Variants in HMGA2 observed in about 807,000 individuals in gnomAD.
The protein encoded by HMGA2 is high mobility group AT-hook 2, also known as high mobility group protein HMGI-C.
Under a neutral mutation model 19.1 loss-of-function variants are expected in HMGA2, and 8 were observed. That is an observed-to-expected ratio of 0.42 (90% confidence interval 0.25 to 0.76). The LOEUF is 0.76. HMGA2 is among the 30% of genes least tolerant of loss of function. The probability of loss-of-function intolerance (pLI) is 0.28; values close to 1 mark genes in which losing one functional copy is unlikely to be tolerated. For missense variants in HMGA2, 109 were observed against 136.3 expected (o/e 0.80, Z 1.00); for synonymous variants, 60 against 48.8 (o/e 1.23, Z -0.96).
chr12:65,877,493 TG>T (rs1873106305), intron 3 of HMGA2, among the ~76,000 whole-genome samples: 1 of 152,192 alleles, frequency 6.6e-6, no homozygotes, highest in South Asian at 2.1e-4. Flanking sequence ...CCCCGGTCAC[TG>T]GGAGAATGTA....
chr12:65,872,185 C>T (rs1433718689), intron 3 of HMGA2, among the ~76,000 whole-genome samples: 1 of 152,308 alleles, frequency 6.6e-6, no homozygotes, highest in Middle Eastern at 3.4e-3. Context: ...TTGCCAGTAA[C>T]CTCTTAACTG....
chr12:65,872,635 C>T (rs999335055), intron 3 of HMGA2, among the ~76,000 whole-genome samples: 1 of 152,170 alleles, frequency 6.6e-6, no homozygotes, highest in Non-Finnish European at 1.5e-5. Flanking sequence ...TTTTCTTTTC[C>T]TACATTCCCA....
At chr12:65,837,973 A>T (rs892774072) in intron 2 of HMGA2, among the ~76,000 whole-genome samples, 1 of 152,112 alleles carries the variant, frequency 6.6e-6, no homozygotes, top group African/African-American at 2.4e-5. Flanking sequence ...GAAGTGTGCA[A>T]ATATTTGTTA....
At chr12:65,940,745 T>C (rs947359523) in intron 3 of HMGA2, among the ~76,000 whole-genome samples, 4 of 152,220 alleles carry the variant, frequency 2.6e-5, no homozygotes, top group Non-Finnish European at 5.9e-5. Context: ...AGTTTCATTA[T>C]ATGCTGGCCT....
At chr12:65,889,549 A>T (rs1873816012) in intron 3 of HMGA2, among the ~76,000 whole-genome samples, 1 of 152,236 alleles carries the variant, frequency 6.6e-6, no homozygotes, top group African/African-American at 2.4e-5. Context: ...AGTACACAAA[A>T]GGCCAACAAG....
chr12:65,866,034 T>C (rs1872391697), intron 3 of HMGA2, among the ~76,000 whole-genome samples: 1 of 152,128 alleles, frequency 6.6e-6, no homozygotes. Flanking sequence ...TCATAGCAAG[T>C]GTATAACTAT....
In HMGA2 at chr12:65,923,805, C is replaced by T. The variant is rs140572623; in HGVS notation, c.250-27578C>T. On this transcript the variant is annotated intron_variant, in intron 3 of 4. Coordinates refer to ENST00000403681, the MANE Select transcript of HMGA2 (RefSeq NM_003483.6). ...CGAGTGGATCACCTGGGGTCGGGAG[C>T]TCGAGACCAGCCTGACCGACATGGA... Among the ~76,000 whole-genome samples the T allele has an allele frequency of 1.4e-3, 216 of 152,060 alleles. 1 individual carries two copies. The highest frequency in any genetic ancestry group is 5.1e-3 in the African/African-American group (212 of 41,468).
At chr12:65,952,453 A>C in intron 4 of HMGA2, 1 of 1,532,746 alleles carries the variant, frequency 6.5e-7, no homozygotes, top group Non-Finnish European at 8.7e-7. Flanking sequence ...ACTTCCAAAC[A>C]CATGAAAGGA....
At chr12:65,842,097 G>A in intron 3 of HMGA2, 1 of 1,289,242 alleles carries the variant, frequency 7.8e-7, no homozygotes, top group Non-Finnish European at 1.0e-6. Context: ...AGAGGCTAGA[G>A]GTAAATTGGG....
intron 4 of HMGA2, chr12:65,954,275 A>G (rs1876543688): frequency 6.6e-6 from 1 of 152,242 alleles, no homozygotes; most frequent in Non-Finnish European, 1.5e-5. Context: ...CAAAAATTCT[A>G]GAATCCTGAT....
At chr12:65,952,577 G>A in intron 4 of HMGA2, 3 of 1,227,352 alleles carry the variant, frequency 2.4e-6, no homozygotes, top group Admixed American at 3.2e-5. Context: ...GCTAAGAGTG[G>A]GAGAGGGGTG....
At chr12:65,866,901 C>T in intron 3 of HMGA2, 1 of 457,134 alleles carries the variant, frequency 2.2e-6, no homozygotes, top group Middle Eastern at 3.2e-4. Flanking sequence ...CTTCTGCTGC[C>T]ATTTTTCTTT....
At chr12:65,952,319 A>G in intron 4 of HMGA2, 5 of 1,476,754 alleles carry the variant, frequency 3.4e-6, no homozygotes, top group Non-Finnish European at 2.7e-6. Flanking sequence ...TTTCCCTAGA[A>G]GTCTTTACAA....
rs1468552939 is a variant in HMGA2, at chr12:65,936,463, T to C, written c.250-14920T>C. Among the ~76,000 whole-genome samples, 3 of 152,268 alleles carry C rather than the reference T, an allele frequency of 2.0e-5. No homozygotes were observed. In the South Asian group the frequency reaches 6.2e-4, roughly 32 times the overall value. On this transcript the variant is annotated intron_variant, in intron 3 of 4. Transcript: ENST00000403681. ...ATACATATTCCTGTGCAGCTGAAAC[T>C]AGAATTCCAAACGCCACAGAAACGG... is the stretch of plus-strand genomic sequence containing the variant.
rs1198190628 is a variant in HMGA2 at position 65,889,932 on chromosome 12, A to C, written c.249+51363A>C. On this transcript the variant is annotated intron_variant, in intron 3 of 4. Coordinates refer to ENST00000403681, the MANE Select transcript of HMGA2 (RefSeq NM_003483.6). Reference sequence around the variant, plus strand: ...ACTCACATGGAAATCACTCTGAAAAATTCTTCTGTCTTATTCCCTAAAGAC... The same window carrying C: ...ACTCACATGGAAATCACTCTGAAAACTTCTTCTGTCTTATTCCCTAAAGAC... Among the ~76,000 whole-genome samples, 4 of 152,152 alleles carry C rather than the reference A, an allele frequency of 2.6e-5. No individual in the cohort carries two copies. The East Asian group carries it at 7.7e-4, about 29-fold the overall frequency.
chr12:65,911,466 T>G (rs748840266), intron 3 of HMGA2, among the ~76,000 whole-genome samples: 192 of 152,266 alleles, frequency 1.3e-3, no homozygotes, highest in Non-Finnish European at 2.1e-3. Flanking sequence ...CATCCTCTAC[T>G]CAACAGAGCA....
intron 3 of HMGA2, among the ~76,000 whole-genome samples, chr12:65,895,085 C>G (rs1472669900): frequency 1.3e-5 from 2 of 152,124 alleles, no homozygotes. Flanking sequence ...AATCACTTTA[C>G]TACAGTTTTG....
At chr12:65,871,662 C>T (rs1410326324) in intron 3 of HMGA2, among the ~76,000 whole-genome samples, 1 of 152,118 alleles carries the variant, frequency 6.6e-6, no homozygotes, top group Non-Finnish European at 1.5e-5. Context: ...TGCGGTTTTC[C>T]CTCTAGGTGA....
chr12:65,879,131 C>CT (rs949407020), intron 3 of HMGA2, among the ~76,000 whole-genome samples: 63 of 152,152 alleles, frequency 4.1e-4, no homozygotes, highest in Non-Finnish European at 7.6e-4. Flanking sequence ...AAAATAAAGA[C>CT]TTTTTTTTAT....
Sources: allele counts gnomAD v4.1 joint callset (sites outside exome capture counted in the v4.1 genomes callset), GRCh38; gene constraint gnomAD v4.1.1; transcripts MANE v1.5; gene names NCBI Gene and HGNC (gene_info 2026-07-23, HGNC 2026-07-21).